The following FBXL13 variants were observed in gnomAD, a reference collection of about 807,000 sequenced individuals.
FBXL13 encodes F-box and leucine rich repeat protein 13.
A neutral mutation model predicts 83.6 loss-of-function variants in FBXL13; 67 were observed. The observed-to-expected ratio is 0.80, with a 90% CI of 0.66 to 0.98. The LOEUF (loss-of-function observed/expected upper bound fraction) is 0.98, where lower values mean the gene tolerates loss of function less well. Ranked by LOEUF, FBXL13 falls within the 50% of genes least tolerant of loss-of-function variation. The pLI is 0.00. For synonymous variants in FBXL13, 272 were observed against 299.5 expected (o/e 0.91, Z 0.95); for missense variants, 822 against 866.5 (o/e 0.95, Z 0.64).
chr7:102,878,443 C>A, exon 15 of FBXL13: 1 of 1,591,776 alleles, frequency 6.3e-7, no homozygotes, highest in Non-Finnish European at 8.5e-7. Flanking sequence ...AGTCCCATAT[C>A]ACCAATTCTG....
chr7:103,033,982 C>T (rs1433701883), intron 2 of FBXL13, among the ~76,000 whole-genome samples: 1 of 152,096 alleles, frequency 6.6e-6, no homozygotes, highest in Non-Finnish European at 1.5e-5. Context: ...CAAAGGTTCT[C>T]CAAGTCCCCA....
intron 17 of FBXL13, 86 bp from the exon 19 acceptor site, chr7:102,833,060 TCA>T: frequency 7.0e-7 from 1 of 1,420,676 alleles, no homozygotes. Flanking sequence ...AATGTACATT[TCA>T]GTCCCTGAAA....
chr7:102,840,856 G>T (rs1802810751), intron 17 of FBXL13, among the ~76,000 whole-genome samples: 1 of 152,100 alleles, frequency 6.6e-6, no homozygotes, highest in African/African-American at 2.4e-5. Context: ...AGGCCTATTA[G>T]AAGATTAAAA....
intron 17 of FBXL13, among the ~76,000 whole-genome samples, chr7:102,842,349 A>T (rs990758505): frequency 3.0e-4 from 46 of 152,324 alleles, no homozygotes; most frequent in African/African-American, 1.1e-3. Context: ...AATAGAAATC[A>T]ATGTTGAGTT....
intron 18 of FBXL13, among the ~76,000 whole-genome samples, chr7:102,823,075 AC>A (rs1182925172): frequency 1.3e-5 from 2 of 151,578 alleles, no homozygotes; most frequent in African/African-American, 4.8e-5. Context: ...TGCCCTGCCC[AC>A]CCCCCACACA....
intron 9 of FBXL13, among the ~76,000 whole-genome samples, chr7:102,927,130 A>C (rs894610882): frequency 2.6e-5 from 4 of 152,206 alleles, no homozygotes; most frequent in African/African-American, 9.6e-5. Flanking sequence ...TGAAATTTAC[A>C]AGACCAGATG....
chr7:102,825,236 G>A (rs1265580894), intron 18 of FBXL13, among the ~76,000 whole-genome samples: 1 of 152,148 alleles, frequency 6.6e-6, no homozygotes, highest in Non-Finnish European at 1.5e-5. Flanking sequence ...CCCAAGATGT[G>A]GCAGTATTGA....
chr7:103,050,509 C>T (rs569884747), intron 2 of FBXL13, among the ~76,000 whole-genome samples: 3 of 152,338 alleles, frequency 2.0e-5, no homozygotes, highest in East Asian at 3.9e-4. Context: ...TTAAATTTGC[C>T]TTCAGATGGC....
chr7:103,054,147 G>C (rs562173916), intron 2 of FBXL13, among the ~76,000 whole-genome samples: 1 of 58,162 alleles, frequency 1.7e-5, no homozygotes, highest in African/African-American at 3.6e-5. Context: ...TGTAATCTGA[G>C]GCTGAGGCAG....
Position 102,891,565 on chromosome 7 carries a change from G to A in FBXL13, c.1009-7253C>T, listed in dbSNP as rs549190320. ...GTAGTTGTTGAATGAATTGTTTGTAGAATATAAATTAGAATTAGTAGTTTC... is the reference window on the plus strand; with the variant it reads ...GTAGTTGTTGAATGAATTGTTTGTAAAATATAAATTAGAATTAGTAGTTTC... On this transcript the variant is annotated intron_variant, in intron 11 of 19. Coordinates refer to ENST00000313221, the Ensembl canonical transcript of FBXL13. Among the ~76,000 whole-genome samples the A allele has an allele frequency of 2.0e-5, 3 of 152,310 alleles. No homozygotes were observed. The East Asian group carries it at 5.8e-4, about 29-fold the overall frequency.
intron 1 of FBXL13, among the ~76,000 whole-genome samples, chr7:103,064,076 T>C (rs1029030363): frequency 1.3e-5 from 2 of 152,206 alleles, no homozygotes; most frequent in African/African-American, 2.4e-5. Context: ...CACTTCATGC[T>C]AAAATTCTCT....
chr7:102,938,933 T>C (rs1222340679), intron 8 of FBXL13, among the ~76,000 whole-genome samples: 1 of 152,212 alleles, frequency 6.6e-6, no homozygotes, highest in Admixed American at 6.5e-5. Context: ...TTTATATTCT[T>C]TTTCCAGCAC....
intron 17 of FBXL13, among the ~76,000 whole-genome samples, chr7:102,849,279 G>T (rs1309662369): frequency 6.6e-6 from 1 of 152,180 alleles, no homozygotes; most frequent in Admixed American, 6.5e-5. Context: ...AATGTCTGTT[G>T]TTCTCAGAAA....
At chr7:102,952,551 T>G (rs1040006191) in intron 8 of FBXL13, among the ~76,000 whole-genome samples, 5 of 152,174 alleles carry the variant, frequency 3.3e-5, no homozygotes, top group African/African-American at 9.7e-5. Context: ...TTATGAACTG[T>G]TGTACCCCAA....
At chr7:102,901,548 C>G (rs1166133463) in intron 11 of FBXL13, among the ~76,000 whole-genome samples, 2 of 152,164 alleles carry the variant, frequency 1.3e-5, no homozygotes, top group Non-Finnish European at 2.9e-5. Context: ...ACCTCAACCT[C>G]AAAGCCCCAT....
chr7:102,963,771 T>G (rs1294721476), intron 7 of FBXL13, 106 bp from the exon 9 acceptor site: 6 of 1,093,804 alleles, frequency 5.5e-6, no homozygotes. Flanking sequence ...AAAGAGCTTC[T>G]GTACAGCAAA....
chr7:102,918,813 T>A (rs1191912490), intron 10 of FBXL13, among the ~76,000 whole-genome samples: 1 of 152,190 alleles, frequency 6.6e-6, no homozygotes, highest in Non-Finnish European at 1.5e-5. Flanking sequence ...ACTTTGTAAG[T>A]TCAGATTTTC....
intron 6 of FBXL13, chr7:102,975,988 G>A (rs915910139): frequency 2.9e-5 from 22 of 766,356 alleles, no homozygotes; most frequent in Non-Finnish European, 5.3e-5. Flanking sequence ...GAAGGCCACT[G>A]GCCCACACAA....
intron 1 of FBXL13, among the ~76,000 whole-genome samples, chr7:103,073,878 A>C (rs950728992): frequency 8.6e-5 from 13 of 151,960 alleles, no homozygotes; most frequent in African/African-American, 3.1e-4. Context: ...TCTCCACATA[A>C]CGTATCTTTG....
Sources: gnomAD v4.1 joint callset for allele counts (sites outside exome capture counted in the v4.1 genomes callset) on GRCh38, gnomAD v4.1.1 for gene constraint, MANE v1.5 for transcripts, NCBI Gene and HGNC (gene_info 2026-07-23, HGNC 2026-07-21) for gene names.